The following ALK variants were observed in gnomAD, a reference collection of about 807,000 sequenced individuals.
ALK encodes the protein ALK receptor tyrosine kinase, also known as ALK tyrosine kinase receptor.
ALK carries 74 observed loss-of-function variants against 163.1 expected under a neutral mutation model. That is an observed-to-expected ratio of 0.45 (90% CI 0.38 to 0.55). The LOEUF is 0.55. ALK is among the 20% of genes least tolerant of loss of function. ALK has a pLI of 0.00. For missense variants in ALK, 2,063 were observed against 2,105.3 expected, an observed-to-expected ratio of 0.98 and a Z score of 0.39; for synonymous variants, 960 against 843.2, an observed-to-expected ratio of 1.14 and a Z score of -2.40.
intron 5 of ALK, among the ~76,000 whole-genome samples, chr2:29,378,355 G>A (rs1191566782): frequency 6.6e-6 from 1 of 152,160 alleles, no homozygotes; most frequent in Non-Finnish European, 1.5e-5. Flanking sequence ...CATGGCAAGG[G>A]AGACAGATTA....
chr2:29,760,190 C>A (rs1207677528), intron 1 of ALK, among the ~76,000 whole-genome samples: 1 of 151,924 alleles, frequency 6.6e-6, no homozygotes, highest in African/African-American at 2.4e-5. Flanking sequence ...TCCCTACACA[C>A]CTACACACCC....
At chr2:29,571,655 C>T (rs62131135) in intron 3 of ALK, among the ~76,000 whole-genome samples, 16,505 of 94,114 alleles carry the variant, frequency 0.18, 1,397 homozygotes, top group East Asian at 0.46. Context: ...CTCATTTTGT[C>T]GCCCAGGCTA....
At chr2:29,627,448 C>G (rs1346850697) in intron 3 of ALK, among the ~76,000 whole-genome samples, 4 of 152,194 alleles carry the variant, frequency 2.6e-5, no homozygotes, top group African/African-American at 9.6e-5. Flanking sequence ...TCCCTAATTT[C>G]GCATATGAAG....
chr2:29,883,218 T>C (rs1666909368), intron 1 of ALK, among the ~76,000 whole-genome samples: 1 of 152,218 alleles, frequency 6.6e-6, no homozygotes, highest in African/African-American at 2.4e-5. Context: ...CTTACTTCCC[T>C]GTTAGGCAGG....
chr2:29,819,171 T>C (rs1664976763), intron 1 of ALK, among the ~76,000 whole-genome samples: 1 of 152,212 alleles, frequency 6.6e-6, no homozygotes, highest in Non-Finnish European at 1.5e-5. Context: ...AATCCAAATT[T>C]GCATTTTTAA....
chr2:29,835,738 G>A (rs1038190950), intron 1 of ALK, among the ~76,000 whole-genome samples: 2 of 152,154 alleles, frequency 1.3e-5, no homozygotes, highest in Non-Finnish European at 2.9e-5. Flanking sequence ...TCTCATGGTA[G>A]TCAATAAGTC....
At chr2:29,360,340 T>C (rs1052243406) in intron 5 of ALK, among the ~76,000 whole-genome samples, 1 of 152,180 alleles carries the variant, frequency 6.6e-6, no homozygotes, top group Non-Finnish European at 1.5e-5. Context: ...TCCATTTCCT[T>C]TCTTTTTGGA....
chr2:29,479,873 G>GAA (rs1422650303), intron 4 of ALK, among the ~76,000 whole-genome samples: 1 of 152,176 alleles, frequency 6.6e-6, no homozygotes, highest in Non-Finnish European at 1.5e-5. Flanking sequence ...TTCAGACTGG[G>GAA]AAAAGGACAT....
At chr2:29,587,765 G>A (rs980270944) in intron 3 of ALK, among the ~76,000 whole-genome samples, 2 of 152,122 alleles carry the variant, frequency 1.3e-5, no homozygotes, top group African/African-American at 4.8e-5. Flanking sequence ...TGTTTATGTT[G>A]TATTCAATAT....
chr2:29,655,154 C>A (rs1180655383), intron 3 of ALK, among the ~76,000 whole-genome samples: 1 of 152,126 alleles, frequency 6.6e-6, no homozygotes. Context: ...TCTGATTTAT[C>A]AACCTTCAAA....
At chr2:29,890,662 G>A (rs1470479211) in intron 1 of ALK, 1 of 152,166 alleles carries the variant, frequency 6.6e-6, no homozygotes, top group East Asian at 1.9e-4. Flanking sequence ...ATCTCTGAGC[G>A]GGTGGCAGGG....
chr2:29,622,406 C>T (rs1676061384), intron 3 of ALK, among the ~76,000 whole-genome samples: 1 of 152,072 alleles, frequency 6.6e-6, no homozygotes, highest in Non-Finnish European at 1.5e-5. Context: ...AAGAAAGAAG[C>T]AAAAGTGGAA....
intron 1 of ALK, among the ~76,000 whole-genome samples, chr2:29,891,640 G>C (rs142702505): frequency 1.8e-4 from 28 of 152,240 alleles, no homozygotes; most frequent in African/African-American, 6.7e-4. Context: ...AGAACTATAA[G>C]AAAATGCTGA....
chr2:29,601,189 G>A (rs1228926616), intron 3 of ALK, among the ~76,000 whole-genome samples: 1 of 152,166 alleles, frequency 6.6e-6, no homozygotes, highest in Non-Finnish European at 1.5e-5. Flanking sequence ...AAATATCAGG[G>A]AGTGAAGGGG....
intron 3 of ALK, among the ~76,000 whole-genome samples, chr2:29,579,801 C>T (rs756981017): frequency 5.9e-5 from 9 of 152,154 alleles, no homozygotes; most frequent in Non-Finnish European, 1.2e-4. Context: ...CTGGGCACAC[C>T]GATATACAGC....
chr2:29,227,916 T>C lies in ALK; in HGVS notation c.2816-244A>G, dbSNP rs540179682. Among the ~76,000 whole-genome samples the C allele has an allele frequency of 5.9e-5, 9 of 152,240 alleles. No homozygotes were observed. In the South Asian group the frequency reaches 1.9e-3, roughly 32 times the overall value. ...TCCAGGCCAGCTCCCACTCTGCCGGTGGCCCACTAAGAAGTGGTTAATGTG... is the reference window on the plus strand; with the variant it reads ...TCCAGGCCAGCTCCCACTCTGCCGGCGGCCCACTAAGAAGTGGTTAATGTG... On this transcript the variant is annotated intron_variant, in intron 16 of 28. Transcript: ENST00000389048. The surrounding 1 kb of genome is among the most constrained non-coding windows in gnomAD (Gnocchi z 4.4).
In ALK at chr2:29,739,533, G is replaced by A. The variant is rs202083325; in HGVS notation, c.668-21836C>T. ...AGATTGCGCCACTGCACTCCAGCCT[G>A]GGCGACAGTGCGTGAATCTGTCTCA... On this transcript the variant is annotated intron_variant, in intron 1 of 28. Coordinates refer to ENST00000389048, the MANE Select transcript of ALK (RefSeq NM_004304.5). Among the ~76,000 whole-genome samples, 4 of 150,982 alleles carry A rather than the reference G, an allele frequency of 2.6e-5. No homozygotes were observed. In the East Asian group the frequency reaches 7.7e-4, roughly 29 times the overall value.
intron 3 of ALK, among the ~76,000 whole-genome samples, chr2:29,568,394 T>C (rs757632162): frequency 2.6e-5 from 4 of 152,332 alleles, no homozygotes; most frequent in Non-Finnish European, 4.4e-5. Context: ...CTGTAGTGGC[T>C]ACAACAAGTG....
Position 29,196,761 on chromosome 2 carries a change from A to C in ALK, c.4164+9T>G, listed in dbSNP as rs1347445556. On this transcript the variant is annotated intron_variant, in intron 28 of 28. Transcript: ENST00000389048. ...AGTAAATGTTGACCAAAGGGAGAAA[A>C]TGTTTTACCTGGGTGCAGTATTCAA... The C allele has an allele frequency of 6.2e-7, 1 of 1,606,968 alleles. No homozygotes were observed. The highest frequency in any genetic ancestry group is 2.2e-5 in the East Asian group (1 of 44,834).
Sources: allele counts gnomAD v4.1 joint callset (sites outside exome capture counted in the v4.1 genomes callset), GRCh38; gene constraint gnomAD v4.1.1; non-coding constraint Gnocchi (gnomAD v3.1); transcripts MANE v1.5; gene names NCBI Gene and HGNC (gene_info 2026-07-23, HGNC 2026-07-21).